Variants in RUNX1T1 observed in about 807,000 individuals in gnomAD.
RUNX1T1 encodes the protein protein CBFA2T1.
RUNX1T1 carries 4 observed loss-of-function variants against 62.8 expected under a neutral mutation model. The observed-to-expected ratio is 0.06, with a 90% CI of 0.03 to 0.15. The LOEUF (loss-of-function observed/expected upper bound fraction) is 0.15. RUNX1T1 is among the 10% of genes least tolerant of loss of function. The pLI is 1.00. For synonymous variants in RUNX1T1, 291 were observed against 286.0 expected, an observed-to-expected ratio of 1.02 and a Z score of -0.18; for missense variants, 508 against 754.3, an observed-to-expected ratio of 0.67 and a Z score of 3.82.
chr8:92,010,635 C>A (rs574713757), intron 4 of RUNX1T1: 46 of 161,072 alleles, frequency 2.9e-4, no homozygotes, highest in African/African-American at 8.1e-4. Context: ...TAAGTTGTTA[C>A]AAAGATAAAA....
upstream of RUNX1T1, among the ~76,000 whole-genome samples, chr8:92,100,545 A>G (rs1837987882): frequency 6.6e-6 from 1 of 152,232 alleles, no homozygotes; most frequent in South Asian, 2.1e-4. Flanking sequence ...ATAAACCAAC[A>G]AAATATAAAA....
rs1207706623 is a variant in RUNX1T1 at position 92,057,863 on chromosome 8, A to C, written c.7+4683T>G. Among the ~76,000 whole-genome samples the C allele has an allele frequency of 2.6e-5, 4 of 152,178 alleles. No individual in the cohort carries two copies. In the East Asian group the frequency reaches 7.7e-4, roughly 29 times the overall value. On this transcript the variant is annotated intron_variant, in intron 1 of 10. Coordinates refer to ENST00000396218, the Ensembl canonical transcript of RUNX1T1. ...ACTGTACACAAAGAAATAGCTTTCA[A>C]GAAATACTACACCCACTGCCACACA...
chr8:92,097,747 A>G (rs143092532), intron 1 of RUNX1T1, among the ~76,000 whole-genome samples: 235 of 152,348 alleles, frequency 1.5e-3, no homozygotes, highest in Middle Eastern at 0.01. Context: ...CTTATTTTGT[A>G]AATGCACAGT....
chr8:91,991,988 T>G (rs1328717901), intron 5 of RUNX1T1, 99 bp from the exon 7 acceptor site: 4 of 1,319,622 alleles, frequency 3.0e-6, no homozygotes, highest in Non-Finnish European at 4.2e-6. Context: ...CAGAATATTT[T>G]TTATTGGCCA....
intron 1 of RUNX1T1, among the ~76,000 whole-genome samples, chr8:92,023,012 T>C (rs1235340822): frequency 6.6e-6 from 1 of 152,206 alleles, no homozygotes; most frequent in Non-Finnish European, 1.5e-5. Flanking sequence ...ATTCTCCTTG[T>C]TGCACATTAG....
chr8:92,062,117 G>A (rs2130605615), intron 1 of RUNX1T1, among the ~76,000 whole-genome samples: 1 of 152,236 alleles, frequency 6.6e-6, no homozygotes, highest in South Asian at 2.1e-4. Flanking sequence ...GACATAAACA[G>A]CTTTTTAAAG....
intron 2 of RUNX1T1, among the ~76,000 whole-genome samples, chr8:92,069,960 T>A (rs1833436930): frequency 6.6e-6 from 1 of 152,222 alleles, no homozygotes. Flanking sequence ...AGTCCACAAT[T>A]AGTTATATGT....
At position 92,092,413 on chromosome 8, in the gene RUNX1T1, C is replaced by A. The variant is rs1837170468; in HGVS notation, c.-86+7167G>T. Reference sequence around the variant, plus strand: ...CTATAGAAGCTAAAGCTTTTGTATGCAGGCACTCAAGCATAATTTAATCAT... The same window carrying A: ...CTATAGAAGCTAAAGCTTTTGTATGAAGGCACTCAAGCATAATTTAATCAT... On this transcript the variant is annotated intron_variant, in intron 1 of 11. Transcript: ENST00000265814. Among the ~76,000 whole-genome samples the A allele has an allele frequency of 2.6e-5, 4 of 152,248 alleles. 1 individual carries two copies. The South Asian group carries it at 8.3e-4, about 32-fold the overall frequency.
intron 8 of RUNX1T1, chr8:91,979,904 T>C: frequency 1.9e-6 from 1 of 528,988 alleles, no homozygotes; most frequent in South Asian, 1.5e-5. Flanking sequence ...TGCTCAAAGC[T>C]GGGCAGCACC....
intron 1 of RUNX1T1, among the ~76,000 whole-genome samples, chr8:92,058,014 G>T (rs1333910153): frequency 6.6e-6 from 1 of 152,156 alleles, no homozygotes; most frequent in Non-Finnish European, 1.5e-5. Flanking sequence ...AGCCAGGCAA[G>T]GCATTCCAAT....
chr8:91,990,518 T>C (rs766321927), intron 6 of RUNX1T1, among the ~76,000 whole-genome samples: 22 of 152,218 alleles, frequency 1.4e-4, no homozygotes, highest in Non-Finnish European at 2.4e-4. Context: ...AACCCTCTGA[T>C]ACACTATCAT....
intron 8 of RUNX1T1, among the ~76,000 whole-genome samples, chr8:91,985,165 TG>T (rs1463175690): frequency 6.6e-6 from 1 of 152,194 alleles, no homozygotes; most frequent in Non-Finnish European, 1.5e-5. Flanking sequence ...AGTTAGCAGA[TG>T]GGTATGGGGC....
chr8:91,964,400 T>C (rs894142629), intron 10 of RUNX1T1, among the ~76,000 whole-genome samples: 1 of 152,148 alleles, frequency 6.6e-6, no homozygotes, highest in African/African-American at 2.4e-5. Context: ...AAAATCGATG[T>C]GTAATAAATT....
In RUNX1T1 at chr8:91,967,246, G is replaced by C. The variant is rs536197243; in HGVS notation, c.1458+3412C>G. 1.1e-4 allele frequency among the ~76,000 whole-genome samples: 17 copies of C among 152,234 alleles called. 1 individual carries two copies. In the South Asian group the frequency reaches 3.5e-3, roughly 32 times the overall value. On this transcript the variant is annotated intron_variant, in intron 10 of 10. Transcript: ENST00000396218. ...GCAAAACAAACTTCATGCAACCTCC[G>C]ATAACTTGGCTGACTGTGGGTTCCC... is the stretch of plus-strand genomic sequence containing the variant.
chr8:91,963,804 T>C (rs1811030152), intron 10 of RUNX1T1, among the ~76,000 whole-genome samples: 1 of 152,230 alleles, frequency 6.6e-6, no homozygotes, highest in Non-Finnish European at 1.5e-5. Context: ...TATTTCCTGA[T>C]AATTGTTTTA....
rs545348136 is a variant in RUNX1T1 at position 92,022,726 on chromosome 8, C to A, written c.8-5363G>T. ...AATAAATTTATCTTGTTTAAACTACCCAGTCTAAGGTACTGATATAGCAGC... is the reference window on the plus strand; with the variant it reads ...AATAAATTTATCTTGTTTAAACTACACAGTCTAAGGTACTGATATAGCAGC... On this transcript the variant is annotated intron_variant, in intron 1 of 10. Transcript: ENST00000396218. Among the ~76,000 whole-genome samples, 11 of 152,222 alleles carry A rather than the reference C, an allele frequency of 7.2e-5. No homozygotes were observed. In the South Asian group the frequency reaches 2.3e-3, roughly 32 times the overall value.
chr8:92,015,086 C>T (rs1287087556), intron 2 of RUNX1T1, among the ~76,000 whole-genome samples: 1 of 152,270 alleles, frequency 6.6e-6, no homozygotes, highest in East Asian at 1.9e-4. Flanking sequence ...GCCAGCCCTG[C>T]CTCCCATGTG....
intron 5 of RUNX1T1, among the ~76,000 whole-genome samples, chr8:92,001,949 C>T (rs1819839407): frequency 6.6e-6 from 1 of 152,126 alleles, no homozygotes; most frequent in Non-Finnish European, 1.5e-5. Context: ...TGTGTCTTTA[C>T]GAGTCACCAC....
At chr8:92,101,895 G>A (rs980073361), upstream of RUNX1T1, among the ~76,000 whole-genome samples, 1 of 152,192 alleles carries the variant, frequency 6.6e-6, no homozygotes, top group African/African-American at 2.4e-5. Context: ...GGTTCGCAAA[G>A]AGGGCGGTGA....
Sources: allele counts gnomAD v4.1 joint callset (sites outside exome capture counted in the v4.1 genomes callset), GRCh38; gene constraint gnomAD v4.1.1; transcripts MANE v1.5; gene names NCBI Gene and HGNC (gene_info 2026-07-23, HGNC 2026-07-21).